Variants in GRIK2 observed in about 807,000 individuals in gnomAD.
GRIK2 encodes the protein glutamate ionotropic receptor kainate type subunit 2.
Under a neutral mutation model 100.3 loss-of-function variants are expected in GRIK2, and 32 were observed. That is an observed-to-expected ratio of 0.32 (90% CI 0.24 to 0.43). The LOEUF (loss-of-function observed/expected upper bound fraction) is 0.43. GRIK2 is among the 20% of genes least tolerant of loss of function. The probability of loss-of-function intolerance (pLI) is 1.00; values close to 1 mark genes in which losing one functional copy is unlikely to be tolerated. For missense variants in GRIK2, 843 were observed against 1,114.9 expected, an observed-to-expected ratio of 0.76 and a Z score of 3.47; for synonymous variants, 417 against 389.4, an observed-to-expected ratio of 1.07 and a Z score of -0.83.
Position 101,890,976 on chromosome 6 carries a change from C to CATATATAT in GRIK2, c.1748+1134_1748+1141dup, listed in dbSNP as rs61125711. 1.2e-3 allele frequency among the ~76,000 whole-genome samples: 180 copies of CATATATAT among 146,790 alleles called. 2 individuals carry two copies. Among genetic ancestry groups the CATATATAT allele is most frequent in the South Asian group, 3.1e-3 (14 of 4,536 alleles). ...GAGATAAAAATACCTATAAAGTGTACATATATATATATATATATATATATA... is the reference window on the plus strand; with the variant it reads ...GAGATAAAAATACCTATAAAGTGTACATATATATATATATATATATATATATATATATA... On this transcript the variant is annotated intron_variant, in intron 12 of 16. Coordinates refer to ENST00000369134, the MANE Select transcript of GRIK2 (RefSeq NM_021956.5).
At chr6:101,897,336 CA>C (rs1357642650) in intron 12 of GRIK2, among the ~76,000 whole-genome samples, 1 of 151,592 alleles carries the variant, frequency 6.6e-6, no homozygotes, top group Non-Finnish European at 1.5e-5. Flanking sequence ...CCAAGTGATA[CA>C]CTTTTTCTTT....
At chr6:101,692,832 A>G (rs1194668801) in intron 7 of GRIK2, among the ~76,000 whole-genome samples, 1 of 152,124 alleles carries the variant, frequency 6.6e-6, no homozygotes, top group Non-Finnish European at 1.5e-5. Context: ...ATATAATAAA[A>G]TATGGCAGAA....
At chr6:101,482,350 C>T (rs573818823) in intron 2 of GRIK2, among the ~76,000 whole-genome samples, 169 of 152,230 alleles carry the variant, frequency 1.1e-3, no homozygotes, top group Non-Finnish European at 2.1e-3. Flanking sequence ...CAGGGATTAT[C>T]AGTGATACAT....
intron 2 of GRIK2, among the ~76,000 whole-genome samples, chr6:101,546,484 A>G (rs1360718739): frequency 6.6e-6 from 1 of 152,178 alleles, no homozygotes; most frequent in Non-Finnish European, 1.5e-5. Context: ...CAAAGCAGTT[A>G]AGAGCACAGA....
intron 10 of GRIK2, among the ~76,000 whole-genome samples, chr6:101,851,267 A>G (rs1784111663): frequency 6.6e-6 from 1 of 152,074 alleles, no homozygotes; most frequent in Non-Finnish European, 1.5e-5. Flanking sequence ...TCAAATTAAC[A>G]GGTAGGAGGC....
At chr6:101,821,555 G>T (rs1013691872) in intron 10 of GRIK2, among the ~76,000 whole-genome samples, 2 of 151,798 alleles carry the variant, frequency 1.3e-5, no homozygotes, top group African/African-American at 4.8e-5. Context: ...TAATAAACAG[G>T]TTATTTATAT....
chr6:101,707,602 GTGTGTATATA>G (rs1773421326), intron 7 of GRIK2, among the ~76,000 whole-genome samples: 2 of 127,310 alleles, frequency 1.6e-5, no homozygotes, highest in African/African-American at 6.6e-5. Flanking sequence ...GTGTATATAT[GTGTGTATATA>G]TATATATATA....
intron 4 of GRIK2, among the ~76,000 whole-genome samples, chr6:101,657,272 C>G (rs949045396): frequency 3.3e-5 from 5 of 152,126 alleles, no homozygotes; most frequent in African/African-American, 7.2e-5. Flanking sequence ...CTCACAAGAT[C>G]TGATATTTTT....
chr6:101,942,661 G>A (rs1791026485), intron 14 of GRIK2, among the ~76,000 whole-genome samples: 1 of 152,188 alleles, frequency 6.6e-6, no homozygotes, highest in Non-Finnish European at 1.5e-5. Context: ...CTTTGAGCTT[G>A]ATAGAGATGA....
At chr6:101,598,888 A>T (rs72961156) in intron 2 of GRIK2, among the ~76,000 whole-genome samples, 1 of 151,516 alleles carries the variant, frequency 6.6e-6, no homozygotes, top group African/African-American at 2.4e-5. Context: ...ACTATTTTTC[A>T]ACATTAAATT....
intron 10 of GRIK2, among the ~76,000 whole-genome samples, chr6:101,839,749 A>G (rs902725508): frequency 6.6e-6 from 1 of 152,190 alleles, no homozygotes; most frequent in Non-Finnish European, 1.5e-5. Flanking sequence ...TATGGGGGAA[A>G]AATGAAGAAT....
chr6:101,649,351 C>A (rs972656765), intron 4 of GRIK2, among the ~76,000 whole-genome samples: 3 of 152,096 alleles, frequency 2.0e-5, no homozygotes, highest in Admixed American at 6.6e-5. Context: ...AGTTATGCAA[C>A]GTGCCCAAGG....
chr6:101,638,108 G>A (rs1781109391), intron 4 of GRIK2, among the ~76,000 whole-genome samples: 1 of 151,626 alleles, frequency 6.6e-6, no homozygotes. Flanking sequence ...TAGCAGGAGT[G>A]ATGCTGTCCT....
intron 2 of GRIK2, among the ~76,000 whole-genome samples, chr6:101,448,402 C>T (rs1326127058): frequency 1.3e-5 from 2 of 151,534 alleles, no homozygotes; most frequent in Admixed American, 1.3e-4. Context: ...CTAAATATCA[C>T]ACATATTTAG....
chr6:101,862,808 G>GA (rs1419740426), intron 11 of GRIK2, among the ~76,000 whole-genome samples: 1 of 152,022 alleles, frequency 6.6e-6, no homozygotes, highest in Non-Finnish European at 1.5e-5. Context: ...TCCTACTACA[G>GA]AAAAAATATG....
chr6:101,930,819 T>A (rs1041034780), intron 14 of GRIK2, among the ~76,000 whole-genome samples: 2 of 152,130 alleles, frequency 1.3e-5, no homozygotes, highest in African/African-American at 4.8e-5. Context: ...CTTTTCTTCT[T>A]ACTCTTTTTT....
At chr6:102,049,254 A>G (rs1164808761) in intron 15 of GRIK2, among the ~76,000 whole-genome samples, 1 of 152,158 alleles carries the variant, frequency 6.6e-6, no homozygotes, top group Non-Finnish European at 1.5e-5. Context: ...TGTAAGTTCA[A>G]AGGCAGAAAG....
chr6:102,046,984 A>C (rs1770920562), intron 15 of GRIK2, among the ~76,000 whole-genome samples: 1 of 152,164 alleles, frequency 6.6e-6, no homozygotes, highest in Admixed American at 6.6e-5. Context: ...TAAAAAATCA[A>C]AAGGAGTGTT....
At chr6:102,003,336 G>A (rs1196434167) in intron 14 of GRIK2, among the ~76,000 whole-genome samples, 5 of 151,440 alleles carry the variant, frequency 3.3e-5, no homozygotes, top group East Asian at 1.9e-4. Flanking sequence ...ATATATACAC[G>A]CACTCATGCT....
Sources: allele counts gnomAD v4.1 joint callset (sites outside exome capture counted in the v4.1 genomes callset), GRCh38; gene constraint gnomAD v4.1.1; transcripts MANE v1.5; gene names NCBI Gene and HGNC (gene_info 2026-07-23, HGNC 2026-07-21).